Variants in SHROOM3 observed in about 807,000 individuals in gnomAD.
SHROOM3 encodes the protein protein Shroom3.
A neutral mutation model predicts 138.6 loss-of-function variants in SHROOM3; 47 were observed. The ratio of observed to expected loss-of-function variants is 0.34; its 90% CI spans 0.27 to 0.43. SHROOM3 has a LOEUF of 0.43. Among genes scored for constraint, SHROOM3 ranks in the 20% least tolerant of loss-of-function variants. The pLI, the probability that SHROOM3 is intolerant of heterozygous loss-of-function variation, is 1.00. For synonymous variants in SHROOM3, 1,062 were observed against 1,063.3 expected (o/e 1.00, Z 0.02); for missense variants, 2,491 against 2,596.5 (o/e 0.96, Z 0.88).
At chr4:76,514,571 T>C (rs1732405643) in intron 1 of SHROOM3, among the ~76,000 whole-genome samples, 1 of 152,160 alleles carries the variant, frequency 6.6e-6, no homozygotes, top group African/African-American at 2.4e-5. Flanking sequence ...AATTAGATAG[T>C]GGTCCTAGTT....
chr4:76,723,663 C>A (rs1242270973), intron 3 of SHROOM3, among the ~76,000 whole-genome samples: 1 of 152,216 alleles, frequency 6.6e-6, no homozygotes, highest in African/African-American at 2.4e-5. Flanking sequence ...AAAGCACAGG[C>A]TCTGGAGAGA....
At chr4:76,523,487 G>A (rs1047804162) in intron 1 of SHROOM3, among the ~76,000 whole-genome samples, 3 of 152,098 alleles carry the variant, frequency 2.0e-5, no homozygotes, top group Admixed American at 6.6e-5. Context: ...ATAGATGATG[G>A]ATTTTGGTGA....
chr4:76,435,959 C>A lies in SHROOM3; in HGVS notation c.-94C>A. ...AACCTCTCTTTTGGCCATTGTGTGTCCTGAAGGATGGGACAACTTGTGCTG... is the reference window on the plus strand; with the variant it reads ...AACCTCTCTTTTGGCCATTGTGTGTACTGAAGGATGGGACAACTTGTGCTG... On this transcript the variant is annotated 5_prime_UTR_variant, in exon 1 of 11. Transcript: ENST00000296043. The A allele has an allele frequency of 7.2e-7, 1 of 1,388,076 alleles. No individual in the cohort carries two copies. The highest frequency in any genetic ancestry group is 1.4e-5 in the African/African-American group (1 of 69,964). The allele number at this position is 1,388,076 out of a possible 1,614,324, so 86.0% of individuals were successfully genotyped here.
rs747871133 is a variant in SHROOM3, at chr4:76,741,316, G to A, written c.3143G>A (p.Arg1048His). 2 of 1,611,730 alleles carry A rather than the reference G, an allele frequency of 1.2e-6. No homozygotes were observed. Among genetic ancestry groups the A allele is most frequent in the African/African-American group, 2.7e-5 (2 of 74,914 alleles). The change falls in exon 5 of 11, where the codon CGT (arginine) becomes CAT (histidine). Residue 1048 changes from arginine to histidine, a missense_variant. By Grantham distance (29) the Arg-to-His change is conservative. Transcript: ENST00000296043. This position sits in a 1 kb window ranked among gnomAD's most constrained non-coding sequence, Gnocchi z 6.2. ...APLGPQRNGM[R>H]FPESSVADRR... is the part of the protein sequence containing the mutation. ...CTGGGCCCGCAGAGAAATGGGATGC[G>A]TTTCCCGGAGAGCAGCGTGGCCGAC...
chr4:76,457,321 A>G (rs965452296), intron 1 of SHROOM3, among the ~76,000 whole-genome samples: 2 of 151,976 alleles, frequency 1.3e-5, no homozygotes, highest in Non-Finnish European at 2.9e-5. Context: ...AAAAGTGTGC[A>G]GCACCTCCTC....
At chr4:76,735,860 AAAAAAAAAATATATATATATAT>A (rs1364640524) in intron 4 of SHROOM3, among the ~76,000 whole-genome samples, 8 of 18,780 alleles carry the variant, frequency 4.3e-4, no homozygotes, top group African/African-American at 9.2e-4. Flanking sequence ...AAAAAAAAAA[AAAAAAAAAATATATATATATAT>A]ATATATATAT....
At chr4:76,694,070 T>C (rs1719651807) in intron 2 of SHROOM3, among the ~76,000 whole-genome samples, 1 of 152,232 alleles carries the variant, frequency 6.6e-6, no homozygotes, top group African/African-American at 2.4e-5. Context: ...GTTTATTTAA[T>C]CTATTAAGCT....
chr4:76,622,710 G>A (rs13104324), intron 2 of SHROOM3, among the ~76,000 whole-genome samples: 24,981 of 151,876 alleles, frequency 0.16, 2,138 homozygotes, highest in East Asian at 0.2. Flanking sequence ...AAGTATAATG[G>A]GTGTTATGGT....
chr4:76,764,116 C>T (rs1393406805), intron 9 of SHROOM3, among the ~76,000 whole-genome samples: 1 of 152,152 alleles, frequency 6.6e-6, no homozygotes, highest in East Asian at 1.9e-4. Context: ...TTAAAAATAA[C>T]ACTTTAGTTT....
At position 76,780,511 on chromosome 4, in the gene SHROOM3, A is replaced by G. The variant is rs951096693; in HGVS notation, c.*1334A>G. On this transcript the variant is annotated 3_prime_UTR_variant, in exon 11 of 11. Coordinates refer to ENST00000296043, the MANE Select transcript of SHROOM3 (RefSeq NM_020859.4). ...GTTTCATAGTAGCCAGTCTTAGAAA[A>G]TTGGGGGAGTAAAATTTTGAAGTAA... is the stretch of plus-strand genomic sequence containing the variant. 1.3e-5 allele frequency: 2 copies of G among 151,840 alleles called. No individual in the cohort carries two copies. Among genetic ancestry groups the G allele is most frequent in the African/African-American group, 4.8e-5 (2 of 41,320 alleles). 9.4% of individuals were successfully genotyped at this position (151,840 alleles called of 1,614,324 possible).
chr4:76,458,099 G>A (rs534017675), intron 1 of SHROOM3, among the ~76,000 whole-genome samples: 2 of 152,246 alleles, frequency 1.3e-5, no homozygotes, highest in African/African-American at 2.4e-5. Flanking sequence ...GGCTGCACCC[G>A]GCTTTTCTTT....
chr4:76,444,736 C>T (rs1205052764), intron 1 of SHROOM3, among the ~76,000 whole-genome samples: 8 of 151,418 alleles, frequency 5.3e-5, no homozygotes, highest in African/African-American at 1.9e-4. Context: ...CTTCGTGATC[C>T]GCCTGCTTCG....
chr4:76,531,287 A>G (rs114877943), intron 1 of SHROOM3, among the ~76,000 whole-genome samples: 28 of 152,320 alleles, frequency 1.8e-4, no homozygotes, highest in Non-Finnish European at 3.7e-4. Context: ...AAAAAAATAT[A>G]TAAATTCATC....
intron 1 of SHROOM3, among the ~76,000 whole-genome samples, chr4:76,545,836 C>A (rs1021308982): frequency 1.3e-5 from 2 of 152,042 alleles, no homozygotes; most frequent in African/African-American, 4.8e-5. Context: ...CAAATTTCGC[C>A]CAAGATCACC....
At chr4:76,546,967 T>G (rs1340203000) in intron 1 of SHROOM3, among the ~76,000 whole-genome samples, 1 of 152,204 alleles carries the variant, frequency 6.6e-6, no homozygotes, top group Non-Finnish European at 1.5e-5. Flanking sequence ...AAACTCCAAG[T>G]GGAGTTGTTT....
intron 1 of SHROOM3, among the ~76,000 whole-genome samples, chr4:76,543,708 C>T (rs1044445334): frequency 2.6e-5 from 4 of 152,102 alleles, no homozygotes; most frequent in South Asian, 2.1e-4. Context: ...GGATCTCTGC[C>T]TGGAGATGAC....
At chr4:76,731,790 A>C (rs938734291) in intron 4 of SHROOM3, among the ~76,000 whole-genome samples, 11 of 145,508 alleles carry the variant, frequency 7.6e-5, no homozygotes, top group Non-Finnish European at 1.2e-4. Flanking sequence ...CAAAAAAAAA[A>C]CAAACAAACA....
At chr4:76,706,918 A>G (rs1193387452) in intron 2 of SHROOM3, among the ~76,000 whole-genome samples, 1 of 152,218 alleles carries the variant, frequency 6.6e-6, no homozygotes, top group East Asian at 1.9e-4. Flanking sequence ...GGTAGCCAGC[A>G]GAGGAAATGA....
chr4:76,631,816 A>G (rs1237702926), intron 2 of SHROOM3, among the ~76,000 whole-genome samples: 1 of 152,196 alleles, frequency 6.6e-6, no homozygotes, highest in Non-Finnish European at 1.5e-5. Flanking sequence ...GAGGAAATAG[A>G]GTCAATGAGG....
Sources: allele counts gnomAD v4.1 joint callset (sites outside exome capture counted in the v4.1 genomes callset), GRCh38; gene constraint gnomAD v4.1.1; non-coding constraint Gnocchi (gnomAD v3.1); transcripts MANE v1.5; gene names NCBI Gene and HGNC (gene_info 2026-07-23, HGNC 2026-07-21).